PKHD1: variants seen among roughly 807,000 people sequenced by gnomAD.
PKHD1 encodes the protein PKHD1 ciliary IPT domain containing fibrocystin/polyductin.
In PKHD1, 291 loss-of-function variants were observed where a neutral mutation model predicts 412.0. The ratio of observed to expected loss-of-function variants is 0.71; its 90% CI spans 0.64 to 0.78. PKHD1 has a LOEUF of 0.78. Among genes scored for constraint, PKHD1 ranks in the 30% least tolerant of loss-of-function variants. The pLI is 0.00. For missense variants in PKHD1, 4,825 were observed against 4,950.7 expected (o/e 0.97, Z 0.76); for synonymous variants, 1,777 against 1,821.5 (o/e 0.98, Z 0.62).
chr6:51,733,652 T>C (rs1009218671), intron 60 of PKHD1, among the ~76,000 whole-genome samples: 2 of 152,202 alleles, frequency 1.3e-5, no homozygotes, highest in Non-Finnish European at 2.9e-5. Context: ...TATTGGCTGA[T>C]AGAAGGAATT....
At chr6:51,945,849 A>G (rs926533940) in intron 36 of PKHD1, among the ~76,000 whole-genome samples, 1 of 152,204 alleles carries the variant, frequency 6.6e-6, no homozygotes, top group Non-Finnish European at 1.5e-5. Flanking sequence ...CCCAACCAAA[A>G]GGCTCAGATC....
chr6:51,849,975 A>G (rs1273708524), intron 49 of PKHD1, among the ~76,000 whole-genome samples: 1 of 152,156 alleles, frequency 6.6e-6, no homozygotes, highest in African/African-American at 2.4e-5. Flanking sequence ...GCCTATGCCT[A>G]TGTCCTGGAT....
chr6:51,754,925 C>A lies in PKHD1; in HGVS notation c.8656G>T (p.Asp2886Tyr), dbSNP rs1232147367. The A allele has an allele frequency of 1.2e-6, 2 of 1,613,178 alleles. No homozygotes were observed. Among genetic ancestry groups the A allele is most frequent in the South Asian group, 1.1e-5 (1 of 91,072 alleles). Residue 2886 changes from aspartate to tyrosine, a missense_variant, in exon 56 of 67, where the codon GAT becomes TAT. Asp to Tyr is a radical substitution (Grantham distance 160). Transcript: ENST00000371117. ...ASGNERIIVE[D>Y]AVDWRPHDKI... ...TCATGGGGGCGCCAATCCACTGCAT[C>A]TTCTACTATAATTCTGTAACAGCAT...
chr6:51,733,535 CA>C (rs11381839), intron 60 of PKHD1, among the ~76,000 whole-genome samples: 78 of 129,094 alleles, frequency 6.0e-4, no homozygotes, highest in African/African-American at 1.2e-3. Flanking sequence ...GACTCCCTCT[CA>C]AAAAAAAAAA....
At chr6:51,773,286 C>A (rs1790454776) in intron 54 of PKHD1, among the ~76,000 whole-genome samples, 1 of 151,828 alleles carries the variant, frequency 6.6e-6, no homozygotes, top group African/African-American at 2.4e-5. Context: ...GGAGAGATTT[C>A]TAAGTCCTTT....
At chr6:51,929,406 T>C in intron 37 of PKHD1, among the ~76,000 whole-genome samples, 1 of 152,276 alleles carries the variant, frequency 6.6e-6, no homozygotes, top group South Asian at 2.1e-4. Flanking sequence ...CACAAATATA[T>C]AACAGATAAA....
intron 16 of PKHD1, among the ~76,000 whole-genome samples, chr6:52,057,626 A>T (rs1807964366): frequency 6.6e-6 from 1 of 152,212 alleles, no homozygotes; most frequent in Non-Finnish European, 1.5e-5. Flanking sequence ...CATGTTGGCC[A>T]GGATGGTCTC....
intron 37 of PKHD1, among the ~76,000 whole-genome samples, chr6:51,912,895 C>T (rs1046144251): frequency 6.6e-6 from 1 of 152,100 alleles, no homozygotes; most frequent in Non-Finnish European, 1.5e-5. Context: ...ATATTCTAAC[C>T]CTATTCTTTA....
At chr6:51,852,743 T>C (rs534864096) in intron 49 of PKHD1, among the ~76,000 whole-genome samples, 1 of 152,242 alleles carries the variant, frequency 6.6e-6, no homozygotes, top group African/African-American at 2.4e-5. Flanking sequence ...TTTTTTTTTT[T>C]TTCTTTCCAT....
chr6:51,645,680 G>T (rs183404676), intron 63 of PKHD1, among the ~76,000 whole-genome samples: 1 of 152,142 alleles, frequency 6.6e-6, no homozygotes, highest in Non-Finnish European at 1.5e-5. Context: ...GGCACGAACC[G>T]CCGTTCCCAG....
intron 60 of PKHD1, among the ~76,000 whole-genome samples, chr6:51,685,736 G>A (rs1777338628): frequency 6.6e-6 from 1 of 152,062 alleles, no homozygotes; most frequent in African/African-American, 2.4e-5. Context: ...GTTGAGGAGG[G>A]TTGCTACCTT....
intron 25 of PKHD1, among the ~76,000 whole-genome samples, chr6:52,044,609 T>C (rs540447086): frequency 1.3e-5 from 2 of 152,146 alleles, no homozygotes; most frequent in South Asian, 2.1e-4. Flanking sequence ...TATGGAAAGA[T>C]AGGAAAAAAA....
intron 50 of PKHD1, among the ~76,000 whole-genome samples, chr6:51,837,707 G>A (rs1036902069): frequency 1.3e-5 from 2 of 148,540 alleles, no homozygotes; most frequent in African/African-American, 2.5e-5. Context: ...ACTCTGTCTT[G>A]AAAAAACTAA....
intron 60 of PKHD1, among the ~76,000 whole-genome samples, chr6:51,672,886 T>TCAAAATCA (rs2150513394): frequency 6.6e-6 from 1 of 152,348 alleles, no homozygotes; most frequent in African/African-American, 2.4e-5. Flanking sequence ...GTTCATGATT[T>TCAAAATCA]TGAAGTTCAG....
At chr6:51,925,957 T>A (rs1312182799) in intron 37 of PKHD1, among the ~76,000 whole-genome samples, 1 of 148,772 alleles carries the variant, frequency 6.7e-6, no homozygotes, top group Non-Finnish European at 1.5e-5. Flanking sequence ...CAGGCACTGT[T>A]CTAGGCAATG....
At chr6:51,975,933 G>C (rs910091449) in intron 35 of PKHD1, 1 of 134,854 alleles carries the variant, frequency 7.4e-6, no homozygotes, top group African/African-American at 2.8e-5. Flanking sequence ...CACTCCAGCC[G>C]GGATAACATA....
At chr6:51,885,734 G>A (rs1778101235) in intron 45 of PKHD1, 133 bp downstream of exon 45, 1 of 716,538 alleles carries the variant, frequency 1.4e-6, no homozygotes, top group African/African-American at 1.7e-5. Flanking sequence ...AATTGTGACA[G>A]CACAGCAATG....
At chr6:51,962,818 C>T (rs1246239011) in intron 35 of PKHD1, among the ~76,000 whole-genome samples, 1 of 152,014 alleles carries the variant, frequency 6.6e-6, no homozygotes, top group East Asian at 1.9e-4. Flanking sequence ...CACCCCCAAT[C>T]ATTCCTTCAT....
chr6:51,790,623 A>C (rs557506973), intron 53 of PKHD1, among the ~76,000 whole-genome samples: 1 of 152,312 alleles, frequency 6.6e-6, no homozygotes, highest in Admixed American at 6.5e-5. Flanking sequence ...GGTGGTTCTA[A>C]TAAGGCTTCT....
Sources: gnomAD v4.1 joint callset for allele counts (sites outside exome capture counted in the v4.1 genomes callset) on GRCh38, gnomAD v4.1.1 for gene constraint, MANE v1.5 for transcripts, NCBI Gene and HGNC (gene_info 2026-07-23, HGNC 2026-07-21) for gene names.